The following MBTD1 variants were observed in gnomAD, a reference collection of about 807,000 sequenced individuals.
MBTD1 encodes mbt domain containing 1, also known as MBT domain-containing protein 1.
MBTD1 carries 24 observed loss-of-function variants against 87.8 expected under a neutral mutation model. That is an observed-to-expected ratio of 0.27 (90% confidence interval 0.20 to 0.38). The LOEUF (loss-of-function observed/expected upper bound fraction) is 0.38, where lower values mean the gene tolerates loss of function less well. Among genes scored for constraint, MBTD1 ranks in the 10% least tolerant of loss-of-function variants. MBTD1 has a pLI of 1.00. For missense variants in MBTD1, 436 were observed against 760.2 expected (o/e 0.57, Z 5.02); for synonymous variants, 237 against 248.6 (o/e 0.95, Z 0.44).
chr17:51,251,550 G>C (rs1285114166), intron 2 of MBTD1: 8 of 152,098 alleles, frequency 5.3e-5, no homozygotes. Flanking sequence ...TTTGTACCTT[G>C]TCTAAAGCTT....
intron 16 of MBTD1, among the ~76,000 whole-genome samples, chr17:51,187,104 C>T (rs1481306739): frequency 6.6e-6 from 1 of 152,050 alleles, no homozygotes; most frequent in Non-Finnish European, 1.5e-5. Context: ...CCTGTAAATT[C>T]TTAAGCAATC....
intron 2 of MBTD1, among the ~76,000 whole-genome samples, chr17:51,247,243 T>C (rs1177061212): frequency 6.6e-6 from 1 of 152,204 alleles, no homozygotes; most frequent in Middle Eastern, 3.2e-3. Context: ...GACCGATTAG[T>C]ATGGTGAACT....
At chr17:51,246,612 C>G (rs762487676) in intron 2 of MBTD1, among the ~76,000 whole-genome samples, 6 of 152,064 alleles carry the variant, frequency 3.9e-5, no homozygotes, top group Non-Finnish European at 7.4e-5. Flanking sequence ...AACAAACAAT[C>G]TTTTCTTCTT....
intron 3 of MBTD1, among the ~76,000 whole-genome samples, chr17:51,224,651 G>A (rs899357491): frequency 1.3e-5 from 2 of 152,158 alleles, no homozygotes; most frequent in African/African-American, 4.8e-5. Flanking sequence ...GAAATTATAA[G>A]AAATTAATAT....
At chr17:51,189,379 T>C (rs1049857917) in intron 16 of MBTD1, among the ~76,000 whole-genome samples, 4 of 152,218 alleles carry the variant, frequency 2.6e-5, no homozygotes, top group African/African-American at 4.8e-5. Flanking sequence ...TAGGAAATAG[T>C]GAAACATTAT....
intron 6 of MBTD1, among the ~76,000 whole-genome samples, chr17:51,207,473 A>C (rs555822703): frequency 6.6e-6 from 1 of 152,356 alleles, no homozygotes; most frequent in South Asian, 2.1e-4. Flanking sequence ...AATTTAAATT[A>C]AATTCATAGA....
chr17:51,248,845 G>T (rs1272162466), intron 2 of MBTD1, among the ~76,000 whole-genome samples: 1 of 152,176 alleles, frequency 6.6e-6, no homozygotes, highest in Admixed American at 6.5e-5. Context: ...CTTCAAGACG[G>T]AAGTGCAATG....
At chr17:51,204,052 A>C in intron 7 of MBTD1, 127 bp from the exon 8 acceptor site, 1 of 732,852 alleles carries the variant, frequency 1.4e-6, no homozygotes, top group South Asian at 2.0e-5. Context: ...TTGTTAACAG[A>C]CAGATGGCTG....
Position 51,244,143 on chromosome 17 carries a change from C to G in MBTD1, c.-49+15000G>C, listed in dbSNP as rs193059543. ...ACATTGTTTCTCACTGAAATCTCAC[C>G]GCCATTCTTAAATTTGGCATCTAAT... On this transcript the variant is annotated intron_variant, in intron 2 of 16. Transcript: ENST00000586178. 1.5e-3 allele frequency among the ~76,000 whole-genome samples: 221 copies of G among 152,284 alleles called. 1 individual carries two copies. Among genetic ancestry groups the G allele is most frequent in the Non-Finnish European group, 2.6e-3 (179 of 68,020 alleles).
At chr17:51,223,093 C>T (rs1459115367) in intron 3 of MBTD1, among the ~76,000 whole-genome samples, 5 of 151,900 alleles carry the variant, frequency 3.3e-5, no homozygotes, top group Non-Finnish European at 5.9e-5. Flanking sequence ...CATGAGCCAC[C>T]GCACCTGGCC....
At chr17:51,201,872 T>A in intron 11 of MBTD1, 150 bp downstream of exon 11, 1 of 698,992 alleles carries the variant, frequency 1.4e-6, no homozygotes, top group Middle Eastern at 3.9e-4. Context: ...AGAATAATTA[T>A]AATAAAGAGT....
rs139640853 is a variant in MBTD1, at chr17:51,222,878, G to A, written c.154+2130C>T. ...TGCAGTGGCGTGATCTCAGCTCACT[G>A]CAACCTCTGCCTCCTGGGTACAAGC... On this transcript the variant is annotated intron_variant, in intron 3 of 16. Transcript: ENST00000586178. Among the ~76,000 whole-genome samples the A allele has an allele frequency of 8.0e-3, 1,196 of 148,636 alleles. 17 individuals carry two copies. The highest frequency in any genetic ancestry group is 0.028 in the African/African-American group (1,136 of 40,408).
chr17:51,186,640 G>A (rs760022233), intron 16 of MBTD1, among the ~76,000 whole-genome samples: 2 of 152,106 alleles, frequency 1.3e-5, no homozygotes, highest in Non-Finnish European at 2.9e-5. Flanking sequence ...TGGGCATGGT[G>A]GCAGGCGCCT....
intron 16 of MBTD1, among the ~76,000 whole-genome samples, chr17:51,188,992 A>G (rs990472087): frequency 6.6e-6 from 1 of 152,060 alleles, no homozygotes; most frequent in African/African-American, 2.4e-5. Context: ...TCCTGACCTC[A>G]GGTGATCCGC....
In MBTD1 at chr17:51,225,203, G is replaced by A. The variant is rs374487182; in HGVS notation, c.-42C>T. 219 of 1,504,634 alleles carry A rather than the reference G, an allele frequency of 1.5e-4. No homozygotes were observed. The highest frequency in any genetic ancestry group is 1.8e-4 in the Non-Finnish European group (205 of 1,122,714). 93.2% of individuals were successfully genotyped at this position (1,504,634 alleles called of 1,614,324 possible). ...CTTTTCCTTTCAGATCGTGAAGAAT[G>A]TTCAGTCTTTGAAGTAAGAGAAACC... On this transcript the variant is annotated 5_prime_UTR_variant, in exon 3 of 17. Coordinates refer to ENST00000586178, the MANE Select transcript of MBTD1 (RefSeq NM_017643.3).
intron 3 of MBTD1, 102 bp from the exon 4 acceptor site, chr17:51,220,565 A>G (rs2052826363): frequency 8.6e-7 from 1 of 1,156,622 alleles, no homozygotes; most frequent in Non-Finnish European, 1.2e-6. Context: ...AGTTTTAATT[A>G]AAAAATTTGC....
rs370250559 is a variant in MBTD1 at position 51,187,906 on chromosome 17, CTGAGT to C, written c.1768+4292_1768+4296del. On this transcript the variant is annotated intron_variant, in intron 16 of 16. Transcript: ENST00000586178. ...AGCAAAGGGATCTTTATCTTTGTGA[CTGAGT>C]TATGTCTGTTTTCTTCCAGATGACA... Among the ~76,000 whole-genome samples the C allele has an allele frequency of 4.2e-3, 638 of 150,170 alleles. 4 individuals are homozygous for C. The highest frequency in any genetic ancestry group is 0.015 in the African/African-American group (610 of 40,920).
chr17:51,183,166 C>CTTTTT (rs68187851), intron 16 of MBTD1: 2 of 112,338 alleles, frequency 1.8e-5, no homozygotes, highest in Admixed American at 9.8e-5. Flanking sequence ...AAAGAATAAT[C>CTTTTT]TTTTTTTTTT....
intron 6 of MBTD1, among the ~76,000 whole-genome samples, chr17:51,214,345 A>C (rs902216054): frequency 6.6e-6 from 1 of 152,184 alleles, no homozygotes; most frequent in Admixed American, 6.5e-5. Flanking sequence ...ATACTGTTGT[A>C]ATTGAGTGAC....
Sources: allele counts gnomAD v4.1 joint callset (sites outside exome capture counted in the v4.1 genomes callset), GRCh38; gene constraint gnomAD v4.1.1; transcripts MANE v1.5; gene names NCBI Gene and HGNC (gene_info 2026-07-23, HGNC 2026-07-21).